Variants in SGCD observed in about 807,000 individuals in gnomAD.
The protein encoded by SGCD is sarcoglycan delta, also known as delta-sarcoglycan.
SGCD carries 18 observed loss-of-function variants against 36.6 expected under a neutral mutation model. The observed-to-expected ratio is 0.49, with a 90% CI of 0.34 to 0.73. The LOEUF (loss-of-function observed/expected upper bound fraction) is 0.73. SGCD is among the 30% of genes least tolerant of loss of function. SGCD has a pLI of 0.01. For synonymous variants in SGCD, 133 were observed against 130.6 expected (o/e 1.02, Z -0.12); for missense variants, 387 against 346.7 (o/e 1.12, Z -0.92).
chr5:156,455,382 G>C (rs1234287167), intron 3 of SGCD, among the ~76,000 whole-genome samples: 1 of 152,096 alleles, frequency 6.6e-6, no homozygotes. Context: ...GCCCTCCTGG[G>C]ATAATATCTT....
intron 3 of SGCD, among the ~76,000 whole-genome samples, chr5:156,155,613 GA>G (rs56154305): frequency 0.069 from 9,010 of 131,118 alleles, 533 homozygotes; most frequent in African/African-American, 0.15. Context: ...CGTGGGCTAG[GA>G]AAAAAAAAAA....
At chr5:155,836,199 C>T in the SGCD span, among the ~76,000 whole-genome samples, 3 of 152,080 alleles carry the variant, frequency 2.0e-5, no homozygotes, top group Non-Finnish European at 2.9e-5. Flanking sequence ...GATAGCTGGA[C>T]CTCCATGGGG....
rs555505580 is a variant in SGCD at position 156,624,726 on chromosome 5, T to TA, written c.503-22732dup. On this transcript the variant is annotated intron_variant, in intron 6 of 8. Coordinates refer to ENST00000337851, the MANE Select transcript of SGCD (RefSeq NM_000337.6). ...GTACGAGTTGAATTAACTTTTTTTT[T>TA]AAAAAATGATCACTTTCCTCATTCT... 1.5e-4 allele frequency among the ~76,000 whole-genome samples: 23 copies of TA among 152,244 alleles called. No homozygotes were observed. In the South Asian group the frequency reaches 4.4e-3, roughly 29 times the overall value.
At chr5:156,722,569 A>G (rs191538273) in intron 7 of SGCD, among the ~76,000 whole-genome samples, 25 of 152,350 alleles carry the variant, frequency 1.6e-4, no homozygotes, top group African/African-American at 5.8e-4. Flanking sequence ...AGCTCCCCTT[A>G]TCACACTGTG....
chr5:155,995,781 C>A (rs1358852138), intron 1 of SGCD, among the ~76,000 whole-genome samples: 1 of 151,546 alleles, frequency 6.6e-6, no homozygotes, highest in African/African-American at 2.4e-5. Context: ...TGATTTCAGG[C>A]ATAGTGAACC....
At chr5:156,671,359 G>A (rs1057186741) in intron 7 of SGCD, among the ~76,000 whole-genome samples, 3 of 147,948 alleles carry the variant, frequency 2.0e-5, no homozygotes, top group African/African-American at 7.5e-5. Flanking sequence ...TGCAACCTCT[G>A]CCTCCTGGGT....
rs369264687 is a variant in SGCD, at chr5:156,751,820, A to G, written c.576-5761A>G. On this transcript the variant is annotated intron_variant, in intron 7 of 8. Transcript: ENST00000337851. ...AAAGTGAACAACTGGAACATTATAC[A>G]CTAGTGGGAAAGTCAGTTGGAGCAA... Among the ~76,000 whole-genome samples the G allele has an allele frequency of 1.1e-4, 17 of 152,368 alleles. No individual in the cohort carries two copies. The East Asian group carries it at 1.5e-3, about 14-fold the overall frequency.
At chr5:155,799,826 T>C in the SGCD span, among the ~76,000 whole-genome samples, 7 of 141,520 alleles carry the variant, frequency 4.9e-5, no homozygotes, top group South Asian at 9.5e-4. Flanking sequence ...TTTTTTTTTT[T>C]TTTTTTTTTT....
At chr5:156,496,298 G>A (rs1756184281) in intron 3 of SGCD, among the ~76,000 whole-genome samples, 1 of 152,096 alleles carries the variant, frequency 6.6e-6, no homozygotes, top group Non-Finnish European at 1.5e-5. Context: ...TATTCTTCCT[G>A]TAATTCCATG....
chr5:156,324,547 A>T (rs75252962), upstream of SGCD, among the ~76,000 whole-genome samples: 615 of 152,296 alleles, frequency 4.0e-3, 8 homozygotes, highest in African/African-American at 0.013. Context: ...GCTAGCAGTT[A>T]TAAAGCTGGG....
intron 6 of SGCD, among the ~76,000 whole-genome samples, chr5:156,636,986 A>G (rs1238550309): frequency 6.6e-6 from 1 of 152,078 alleles, no homozygotes; most frequent in African/African-American, 2.4e-5. Flanking sequence ...AAGTAAGGTG[A>G]TATGGTTTGG....
intron 7 of SGCD, among the ~76,000 whole-genome samples, chr5:156,736,210 T>G (rs552133495): frequency 1.3e-5 from 2 of 152,308 alleles, no homozygotes; most frequent in Non-Finnish European, 2.9e-5. Context: ...TTCCTCTCTG[T>G]GAGAGCCACG....
chr5:156,665,835 G>A (rs1235757796), intron 7 of SGCD, among the ~76,000 whole-genome samples: 7 of 144,642 alleles, frequency 4.8e-5, no homozygotes, highest in African/African-American at 1.6e-4. Context: ...AGATGTACTC[G>A]GGATCTCTCG....
intron 3 of SGCD, among the ~76,000 whole-genome samples, chr5:156,439,646 T>TTTTAACCA (rs11471856): frequency 0.043 from 6,545 of 152,138 alleles, 274 homozygotes; most frequent in African/African-American, 0.1. Context: ...GAGTAAGAAA[T>TTTTAACCA]TTTAACCATC....
At chr5:156,553,873 G>A (rs1758894391) in intron 4 of SGCD, among the ~76,000 whole-genome samples, 1 of 152,168 alleles carries the variant, frequency 6.6e-6, no homozygotes, top group Non-Finnish European at 1.5e-5. Flanking sequence ...GGACATTTGA[G>A]TTGTTCCTGC....
At chr5:156,609,899 G>C (rs1761696829) in intron 6 of SGCD, among the ~76,000 whole-genome samples, 1 of 152,116 alleles carries the variant, frequency 6.6e-6, no homozygotes. Context: ...GCTCCATCAG[G>C]TCCTTTAAGG....
intron 6 of SGCD, among the ~76,000 whole-genome samples, chr5:156,634,373 T>C (rs1299600966): frequency 1.3e-5 from 2 of 152,194 alleles, no homozygotes; most frequent in African/African-American, 4.8e-5. Flanking sequence ...TGTTTGCCTG[T>C]GTAACCAACC....
chr5:156,653,493 C>CTTTTTTTGTTTTTTTTTTTTT (rs1763546372), intron 7 of SGCD, among the ~76,000 whole-genome samples: 1 of 48,082 alleles, frequency 2.1e-5, no homozygotes, highest in Non-Finnish European at 4.0e-5. Flanking sequence ...CTAAAGCTTG[C>CTTTTTTTGTTTTTTTTTTTTT]TTTTTTTTTT....
At chr5:155,757,492 A>G in the SGCD span, among the ~76,000 whole-genome samples, 2 of 152,216 alleles carry the variant, frequency 1.3e-5, no homozygotes, top group Admixed American at 6.5e-5. Flanking sequence ...AGAACCTTGG[A>G]GAACTCAAGT....
Sources: allele counts gnomAD v4.1 joint callset (sites outside exome capture counted in the v4.1 genomes callset), GRCh38; gene constraint gnomAD v4.1.1; transcripts MANE v1.5; gene names NCBI Gene and HGNC (gene_info 2026-07-23, HGNC 2026-07-21).